Variants in LRRC4C observed in about 807,000 individuals in gnomAD.
LRRC4C encodes the protein leucine rich repeat containing 4C.
LRRC4C carries 5 observed loss-of-function variants against 33.6 expected under a neutral mutation model. That is an observed-to-expected ratio of 0.15 (90% confidence interval 0.08 to 0.31). The LOEUF is 0.31. Ranked by LOEUF, LRRC4C falls within the 10% of genes least tolerant of loss-of-function variation. The probability of loss-of-function intolerance (pLI) is 1.00; values close to 1 mark genes in which losing one functional copy is unlikely to be tolerated. For missense variants in LRRC4C, 560 were observed against 796.7 expected (o/e 0.70, Z 3.58); for synonymous variants, 329 against 302.0 (o/e 1.09, Z -0.93).
intron 1 of LRRC4C, among the ~76,000 whole-genome samples, chr11:41,383,338 G>C (rs990421403): frequency 6.6e-6 from 1 of 151,998 alleles, no homozygotes; most frequent in African/African-American, 2.4e-5. Context: ...ACAACTTTTT[G>C]TTTCTTTAAT....
chr11:40,994,543 TTG>T, intron 1 of LRRC4C, among the ~76,000 whole-genome samples: 2 of 152,126 alleles, frequency 1.3e-5, no homozygotes, highest in Non-Finnish European at 2.9e-5. Flanking sequence ...CTACCCATAG[TTG>T]AAAACCCTGG....
At chr11:40,678,021 A>G (rs1271390186) in intron 2 of LRRC4C, among the ~76,000 whole-genome samples, 1 of 152,044 alleles carries the variant, frequency 6.6e-6, no homozygotes, top group Non-Finnish European at 1.5e-5. Flanking sequence ...AAGAGTACCA[A>G]TGTCTTCCTT....
At chr11:40,305,129 C>T (rs2136696473) in intron 4 of LRRC4C, among the ~76,000 whole-genome samples, 1 of 152,298 alleles carries the variant, frequency 6.6e-6, no homozygotes, top group East Asian at 1.9e-4. Flanking sequence ...AGGGCCTTGG[C>T]CCTAGCTGTT....
rs531925922 is a variant in LRRC4C at position 40,220,266 on chromosome 11, C to T, written c.-96+21253G>A. On this transcript the variant is annotated intron_variant, in intron 5 of 6. Transcript: ENST00000528697. ...CAAGATTTATGACAGAAAAGTCTGT[C>T]GACTCCTACACCTCCCAAAAATTGT... Among the ~76,000 whole-genome samples, 99 of 152,210 alleles carry T rather than the reference C, an allele frequency of 6.5e-4. 1 individual carries two copies. The Middle Eastern group carries it at 0.027, about 42-fold the overall frequency.
At chr11:41,202,839 G>A (rs1031553854) in intron 1 of LRRC4C, among the ~76,000 whole-genome samples, 3 of 151,080 alleles carry the variant, frequency 2.0e-5, no homozygotes, top group African/African-American at 7.3e-5. Flanking sequence ...AGGCTAGAGT[G>A]CAGTGGCATG....
intron 1 of LRRC4C, among the ~76,000 whole-genome samples, chr11:41,204,364 TA>T (rs1157550762): frequency 2.0e-5 from 3 of 152,220 alleles, no homozygotes; most frequent in Non-Finnish European, 1.5e-5. Context: ...TTTGAACAGT[TA>T]ACCTCTTGGG....
intron 2 of LRRC4C, among the ~76,000 whole-genome samples, chr11:40,916,784 C>A (rs1241956527): frequency 6.6e-6 from 1 of 151,772 alleles, no homozygotes; most frequent in East Asian, 1.9e-4. Context: ...ACTATTGAGA[C>A]ACTTAATTGG....
chr11:41,118,530 G>A (rs1942257690), intron 1 of LRRC4C, among the ~76,000 whole-genome samples: 1 of 152,110 alleles, frequency 6.6e-6, no homozygotes, highest in South Asian at 2.1e-4. Flanking sequence ...TTCTCCACTA[G>A]TCACATTTAA....
intron 1 of LRRC4C, among the ~76,000 whole-genome samples, chr11:41,366,789 A>G (rs1293798238): frequency 6.6e-6 from 1 of 152,164 alleles, no homozygotes; most frequent in African/African-American, 2.4e-5. Context: ...TGAAAACTGG[A>G]GGAAGAAATC....
At chr11:41,285,695 C>T (rs1949804523) in intron 1 of LRRC4C, among the ~76,000 whole-genome samples, 1 of 151,930 alleles carries the variant, frequency 6.6e-6, no homozygotes, top group South Asian at 2.1e-4. Context: ...GCTATTAATC[C>T]CTGATTTTGC....
intron 3 of LRRC4C, among the ~76,000 whole-genome samples, chr11:40,407,769 A>G (rs1191487956): frequency 6.6e-6 from 1 of 152,104 alleles, no homozygotes. Context: ...ATCAGTATAA[A>G]GAACCCATTA....
chr11:40,625,713 C>T (rs1348883055), intron 3 of LRRC4C, among the ~76,000 whole-genome samples: 1 of 152,180 alleles, frequency 6.6e-6, no homozygotes, highest in South Asian at 2.1e-4. Flanking sequence ...TTCCAAATTT[C>T]CTTGTCTGTT....
intron 4 of LRRC4C, among the ~76,000 whole-genome samples, chr11:40,258,105 G>A (rs1867367033): frequency 6.6e-6 from 1 of 152,102 alleles, no homozygotes; most frequent in African/African-American, 2.4e-5. Flanking sequence ...TCACCAGTAT[G>A]TTTTATTTTC....
chr11:41,241,339 C>G (rs773343646), intron 1 of LRRC4C, among the ~76,000 whole-genome samples: 1 of 152,124 alleles, frequency 6.6e-6, no homozygotes, highest in Non-Finnish European at 1.5e-5. Context: ...GAAGCAGTAA[C>G]CCTTTCCAAC....
At chr11:41,333,732 G>T (rs1951366314) in intron 1 of LRRC4C, among the ~76,000 whole-genome samples, 1 of 151,994 alleles carries the variant, frequency 6.6e-6, no homozygotes, top group African/African-American at 2.4e-5. Flanking sequence ...GTAAAATCTG[G>T]CTATTTTACA....
At chr11:41,416,920 T>G (rs150162899) in intron 1 of LRRC4C, among the ~76,000 whole-genome samples, 2 of 151,982 alleles carry the variant, frequency 1.3e-5, no homozygotes, top group Non-Finnish European at 2.9e-5. Context: ...AACTGAGTAA[T>G]GAGCCAAACT....
chr11:40,934,680 GTAA>G (rs1241619574), intron 1 of LRRC4C, among the ~76,000 whole-genome samples: 3 of 151,786 alleles, frequency 2.0e-5, no homozygotes, highest in African/African-American at 7.3e-5. Context: ...CTAATTGTTT[GTAA>G]TAATAATGGC....
In LRRC4C at chr11:40,711,132, C is replaced by T. The variant is rs187540535; in HGVS notation, c.-406-62854G>A. ...CCTTGGCTAGGAAAGGGAAATCCCC[C>T]GACCCCTTTCGCTTCCCGGGTGAAG... is the stretch of plus-strand genomic sequence containing the variant. On this transcript the variant is annotated intron_variant, in intron 2 of 6. Transcript: ENST00000528697. 6.1e-4 allele frequency among the ~76,000 whole-genome samples: 93 copies of T among 152,310 alleles called. No homozygotes were observed. In the Middle Eastern group the frequency reaches 0.01, roughly 17 times the overall value.
At chr11:41,307,323 T>C (rs1236174305) in intron 1 of LRRC4C, among the ~76,000 whole-genome samples, 1 of 151,992 alleles carries the variant, frequency 6.6e-6, no homozygotes, top group African/African-American at 2.4e-5. Context: ...TAACCTGTCG[T>C]TTAATAACCA....
Sources: gnomAD v4.1 joint callset for allele counts (sites outside exome capture counted in the v4.1 genomes callset) on GRCh38, gnomAD v4.1.1 for gene constraint, MANE v1.5 for transcripts, NCBI Gene and HGNC (gene_info 2026-07-23, HGNC 2026-07-21) for gene names.